CNTN5: variants seen among roughly 807,000 people sequenced by gnomAD.
CNTN5 encodes contactin 5.
In CNTN5, 77 loss-of-function variants were observed where a neutral mutation model predicts 129.1. The ratio of observed to expected loss-of-function variants is 0.60; its 90% CI spans 0.50 to 0.72. CNTN5 has a LOEUF of 0.72. Ranked by LOEUF, CNTN5 falls within the 30% of genes least tolerant of loss-of-function variation. CNTN5 has a pLI of 0.00. For synonymous variants in CNTN5, 509 were observed against 465.6 expected (o/e 1.09, Z -1.20); for missense variants, 1,478 against 1,328.8 (o/e 1.11, Z -1.75).
At chr11:99,458,559 T>C (rs2135223325) in intron 2 of CNTN5, among the ~76,000 whole-genome samples, 1 of 152,142 alleles carries the variant, frequency 6.6e-6, no homozygotes, top group East Asian at 1.9e-4. Flanking sequence ...TGTTATCATA[T>C]AGACTAATTT....
intron 1 of CNTN5, among the ~76,000 whole-genome samples, chr11:99,305,452 A>G (rs1391672804): frequency 3.9e-5 from 6 of 152,202 alleles, no homozygotes; most frequent in Non-Finnish European, 8.8e-5. Flanking sequence ...CTTAAAATGT[A>G]TCAAAATAAG....
intron 3 of CNTN5, among the ~76,000 whole-genome samples, chr11:99,726,581 G>A (rs1478572016): frequency 3.3e-5 from 5 of 152,054 alleles, no homozygotes; most frequent in Non-Finnish European, 7.4e-5. Flanking sequence ...AATATTCTAA[G>A]TATTTTTATA....
intron 9 of CNTN5, among the ~76,000 whole-genome samples, chr11:100,013,550 C>G (rs1399170329): frequency 6.6e-6 from 1 of 152,140 alleles, no homozygotes; most frequent in Non-Finnish European, 1.5e-5. Flanking sequence ...ATATCACACT[C>G]AGATTCCAAC....
At chr11:99,785,567 C>T (rs2439596) in intron 3 of CNTN5, among the ~76,000 whole-genome samples, 85,236 of 151,804 alleles carry the variant, frequency 0.56, 24,617 homozygotes, top group East Asian at 0.71. Context: ...GCCGATATTC[C>T]TGATGAACAT....
intron 3 of CNTN5, among the ~76,000 whole-genome samples, chr11:99,627,056 A>G (rs1307664817): frequency 6.6e-6 from 1 of 152,000 alleles, no homozygotes; most frequent in Non-Finnish European, 1.5e-5. Context: ...CAAGGCTTGG[A>G]AGGGAGAAGT....
At chr11:100,089,321 G>T (rs12417945) in intron 13 of CNTN5, among the ~76,000 whole-genome samples, 16 of 152,118 alleles carry the variant, frequency 1.1e-4, no homozygotes, top group African/African-American at 3.4e-4. Flanking sequence ...CAACATCACC[G>T]ATCATTATAG....
chr11:99,425,460 C>T (rs935159682), intron 2 of CNTN5, among the ~76,000 whole-genome samples: 2 of 152,350 alleles, frequency 1.3e-5, no homozygotes, highest in South Asian at 2.1e-4. Context: ...CCACACCACC[C>T]CTTGCCTCTC....
intron 2 of CNTN5, among the ~76,000 whole-genome samples, chr11:99,554,011 C>G (rs1354334809): frequency 8.4e-6 from 1 of 118,390 alleles, no homozygotes; most frequent in East Asian, 2.8e-4. Context: ...CACACACACA[C>G]TTCTTCTTTT....
At chr11:99,786,232 T>G (rs1945518601) in intron 3 of CNTN5, among the ~76,000 whole-genome samples, 2 of 152,108 alleles carry the variant, frequency 1.3e-5, no homozygotes, top group South Asian at 4.1e-4. Context: ...GGGAGCCTAA[T>G]CATTAGTGAA....
intron 2 of CNTN5, among the ~76,000 whole-genome samples, chr11:99,484,329 T>C (rs1945722042): frequency 6.6e-6 from 1 of 152,000 alleles, no homozygotes; most frequent in African/African-American, 2.4e-5. Context: ...CACAATGAGG[T>C]ATCATCTCAC....
intron 2 of CNTN5, among the ~76,000 whole-genome samples, chr11:99,385,671 G>T (rs1270441726): frequency 6.6e-6 from 1 of 152,094 alleles, no homozygotes; most frequent in Non-Finnish European, 1.5e-5. Flanking sequence ...GAAAATGGCA[G>T]ACAAACCAGT....
intron 1 of CNTN5, among the ~76,000 whole-genome samples, chr11:99,065,658 A>C (rs1245509294): frequency 6.6e-6 from 1 of 152,186 alleles, no homozygotes; most frequent in Non-Finnish European, 1.5e-5. Flanking sequence ...AATTTTACCA[A>C]AAAGTTTTAA....
chr11:99,470,980 A>G (rs1470663507), intron 2 of CNTN5, among the ~76,000 whole-genome samples: 1 of 152,070 alleles, frequency 6.6e-6, no homozygotes, highest in Non-Finnish European at 1.5e-5. Flanking sequence ...GTCATCCCCA[A>G]AATAACTGTC....
intron 2 of CNTN5, among the ~76,000 whole-genome samples, chr11:99,360,221 G>T (rs998891971): frequency 6.6e-6 from 1 of 152,186 alleles, no homozygotes; most frequent in African/African-American, 2.4e-5. Context: ...GGCTTTGCTG[G>T]AGGCAGTTCA....
chr11:99,351,593 T>A (rs1938302793), intron 2 of CNTN5, among the ~76,000 whole-genome samples: 1 of 152,194 alleles, frequency 6.6e-6, no homozygotes, highest in South Asian at 2.1e-4. Context: ...AATGATGGTA[T>A]AAACGATTAA....
chr11:99,426,889 C>T (rs1943143965), intron 2 of CNTN5, among the ~76,000 whole-genome samples: 1 of 152,116 alleles, frequency 6.6e-6, no homozygotes, highest in Non-Finnish European at 1.5e-5. Flanking sequence ...AGCCCTGTAA[C>T]TTAACAGTAC....
chr11:99,671,388 T>C (rs1953037162), intron 3 of CNTN5, among the ~76,000 whole-genome samples: 2 of 152,144 alleles, frequency 1.3e-5, no homozygotes, highest in South Asian at 4.1e-4. Flanking sequence ...TGAAAAACAA[T>C]GTGAACATAC....
chr11:99,187,122 C>G (rs994848113), intron 1 of CNTN5, among the ~76,000 whole-genome samples: 2 of 151,928 alleles, frequency 1.3e-5, no homozygotes, highest in East Asian at 1.9e-4. Flanking sequence ...CAAAATTCTA[C>G]GTGTATCCAG....
intron 3 of CNTN5, among the ~76,000 whole-genome samples, chr11:99,587,691 A>T (rs1367389130): frequency 6.6e-6 from 1 of 151,986 alleles, no homozygotes; most frequent in Non-Finnish European, 1.5e-5. Flanking sequence ...AAGATTTGAT[A>T]AAGGAAAATT....
Sources: gnomAD v4.1 joint callset for allele counts (sites outside exome capture counted in the v4.1 genomes callset) on GRCh38, gnomAD v4.1.1 for gene constraint, MANE v1.5 for transcripts, NCBI Gene and HGNC (gene_info 2026-07-23, HGNC 2026-07-21) for gene names.